The following NRL variants were observed in gnomAD, a reference collection of about 807,000 sequenced individuals.
NRL encodes neural retina leucine zipper, also known as neural retina-specific leucine zipper protein.
In NRL, 16 loss-of-function variants were observed where a neutral mutation model predicts 12.5. The observed-to-expected ratio is 1.28, with a 90% CI of 0.87 to 1.95. NRL has a LOEUF of 1.95. Ranked by LOEUF, NRL falls within the 30% of genes most tolerant of loss-of-function variation. The pLI, the probability that NRL is intolerant of heterozygous loss-of-function variation, is 0.00. For missense variants in NRL, 314 were observed against 325.8 expected, an observed-to-expected ratio of 0.96 and a Z score of 0.28; for synonymous variants, 142 against 150.9, an observed-to-expected ratio of 0.94 and a Z score of 0.43.
At chr14:24,088,949 C>T (rs1049623717) in intron 1 of NRL, among the ~76,000 whole-genome samples, 1 of 151,890 alleles carries the variant, frequency 6.6e-6, no homozygotes, top group African/African-American at 2.4e-5. Flanking sequence ...TACAGGCACC[C>T]GCCACCATGC....
Position 24,094,324 on chromosome 14 carries a change from C to T in NRL, c.-27-11449G>A. 7.2e-7 allele frequency: 1 copy of T among 1,393,872 alleles called. No homozygotes were observed. Among genetic ancestry groups the T allele is most frequent in the South Asian group, 1.2e-5 (1 of 80,910 alleles). 86.3% of individuals were successfully genotyped at this position (1,393,872 alleles called of 1,614,324 possible). On this transcript the variant is annotated intron_variant, in intron 1 of 2. Transcript: ENST00000561028. This position sits in a 1 kb window ranked among gnomAD's most constrained non-coding sequence, Gnocchi z 4.1. ...CCAGCCTCTGCTGTGGCTCGCTTCGCCGCGCTCCCTCCTTCCCCGCCTTCC... is the reference window on the plus strand; with the variant it reads ...CCAGCCTCTGCTGTGGCTCGCTTCGTCGCGCTCCCTCCTTCCCCGCCTTCC...
chr14:24,088,398 G>A (rs10143984), intron 1 of NRL, among the ~76,000 whole-genome samples: 4,188 of 152,334 alleles, frequency 0.027, 183 homozygotes, highest in East Asian at 0.18. Flanking sequence ...GGTCCACATG[G>A]TTCCACACAA....
chr14:24,079,427 T>C lies in NRL; in HGVS notation c.*1809A>G, dbSNP rs1306913417. 6.6e-6 allele frequency among the ~76,000 whole-genome samples: 1 copy of C among 152,116 alleles called. No individual in the cohort carries two copies. Among genetic ancestry groups the C allele is most frequent in the Non-Finnish European group, 1.5e-5 (1 of 68,006 alleles). On this transcript the variant is annotated 3_prime_UTR_variant, in exon 3 of 3. Transcript: ENST00000561028. ...TGGAAGGGGATGAAGAAAGAGAAGCTAAAGGTTCTGTGAGCCCCTCAGAGA... is the reference window on the plus strand; with the variant it reads ...TGGAAGGGGATGAAGAAAGAGAAGCCAAAGGTTCTGTGAGCCCCTCAGAGA...
intron 1 of NRL, among the ~76,000 whole-genome samples, chr14:24,101,075 T>C (rs556665295): frequency 6.6e-6 from 1 of 152,272 alleles, no homozygotes; most frequent in Non-Finnish European, 1.5e-5. Context: ...TCACCCTCCT[T>C]GCTTCATCTA....
Position 24,081,174 on chromosome 14 carries a change from C to T in NRL, c.*62G>A. On this transcript the variant is annotated 3_prime_UTR_variant, in exon 3 of 3. Transcript: ENST00000561028. The surrounding 1 kb of genome is among the most constrained non-coding windows in gnomAD (Gnocchi z 4.4). ...GGTAACGATGCAGAGAACCGTGCAG[C>T]CGCCTCCTGGGCGGAGCCACCCCAC... is the stretch of plus-strand genomic sequence containing the variant. 9 of 1,207,046 alleles carry T rather than the reference C, an allele frequency of 7.5e-6. No homozygotes were observed. Among genetic ancestry groups the T allele is most frequent in the Non-Finnish European group, 8.7e-6 (8 of 920,636 alleles). 74.8% of individuals were successfully genotyped at this position (1,207,046 alleles called of 1,614,324 possible).
chr14:24,081,812 C>T lies in NRL; in HGVS notation c.382-244G>A. ...GCGCCCCACGGTGCAGGGCCGGCCACGGTCAGGCGAGCCCGTCGCGCACCT... is the reference window on the plus strand; with the variant it reads ...GCGCCCCACGGTGCAGGGCCGGCCATGGTCAGGCGAGCCCGTCGCGCACCT... On this transcript the variant is annotated intron_variant, in intron 2 of 2. Transcript: ENST00000561028. The surrounding 1 kb of genome is among the most constrained non-coding windows in gnomAD (Gnocchi z 4.4). 6.8e-7 allele frequency: 1 copy of T among 1,464,424 alleles called. No individual in the cohort carries two copies. Among genetic ancestry groups the T allele is most frequent in the Non-Finnish European group, 9.0e-7 (1 of 1,112,218 alleles). The allele number at this position is 1,464,424 out of a possible 1,614,324, so 90.7% of individuals were successfully genotyped here. A position where few individuals can be genotyped will look rare whatever the true frequency, so the allele number is the denominator to read the frequency against.
rs756839374 is a variant in NRL at position 24,081,774 on chromosome 14, T to C, written c.382-206A>G. The C allele has an allele frequency of 2.0e-6, 3 of 1,514,782 alleles. No homozygotes were observed. Among genetic ancestry groups the C allele is most frequent in the Admixed American group, 2.0e-5 (1 of 49,724 alleles). 93.8% of individuals were successfully genotyped at this position (1,514,782 alleles called of 1,614,324 possible). On this transcript the variant is annotated intron_variant, in intron 2 of 2. Coordinates refer to ENST00000561028, the MANE Select transcript of NRL (RefSeq NM_001354768.3). This position sits in a 1 kb window ranked among gnomAD's most constrained non-coding sequence, Gnocchi z 4.4. ...CCCGGGCCCCCCAGCTGACCGTTGCTCCAGTCAGGCGGGCGCCCCACGGTG... is the reference window on the plus strand; with the variant it reads ...CCCGGGCCCCCCAGCTGACCGTTGCCCCAGTCAGGCGGGCGCCCCACGGTG...
At chr14:24,109,589 T>C (rs1434986453) in intron 1 of NRL, among the ~76,000 whole-genome samples, 1 of 151,146 alleles carries the variant, frequency 6.6e-6, no homozygotes, top group Non-Finnish European at 1.5e-5. Flanking sequence ...TCCCAGGTAC[T>C]CGGGAGGCTG....
chr14:24,087,884 C>G (rs1478088344), intron 1 of NRL, among the ~76,000 whole-genome samples: 2 of 152,184 alleles, frequency 1.3e-5, no homozygotes, highest in Non-Finnish European at 2.9e-5. Context: ...CGACACCAGC[C>G]TGGGCAACAT....
intron 1 of NRL, among the ~76,000 whole-genome samples, chr14:24,090,615 C>G (rs2138900512): frequency 6.6e-6 from 1 of 152,310 alleles, no homozygotes; most frequent in South Asian, 2.1e-4. Context: ...GGAATCTGGG[C>G]TACACACCAC....
At chr14:24,099,484 C>T in intron 1 of NRL, 1 of 1,384,796 alleles carries the variant, frequency 7.2e-7, no homozygotes, top group Non-Finnish European at 9.9e-7. Flanking sequence ...TAGACCCTAG[C>T]TGCCCTTCCC....
In NRL at chr14:24,081,522, C is replaced by T. The variant is rs1336862713; in HGVS notation, c.428G>A (p.Arg143Gln). ...GCCCCGCAGCTGCCGGTTTAGCTCC[C>T]GCACAGACATCGAGACCAGCGCCGC... is the stretch of plus-strand genomic sequence containing the variant. ...SDAALVSMSV[R>Q]ELNRQLRGCG... Residue 143 changes from arginine to glutamine, a missense_variant, in exon 3 of 3, where the codon CGG (arginine) becomes CAG (glutamine). By Grantham distance (43) the Arg-to-Gln change is conservative. Coordinates refer to ENST00000561028, the MANE Select transcript of NRL (RefSeq NM_001354768.3). This position sits in a 1 kb window ranked among gnomAD's most constrained non-coding sequence, Gnocchi z 4.4. The T allele has an allele frequency of 1.9e-6, 3 of 1,604,558 alleles. No homozygotes were observed. Among genetic ancestry groups the T allele is most frequent in the African/African-American group, 1.3e-5 (1 of 74,952 alleles).
In NRL at chr14:24,098,727, C is replaced by CA. The variant is rs1226681298; in HGVS notation, c.-27-15853dup. The CA allele has an allele frequency of 3.3e-6, 5 of 1,501,240 alleles. No homozygotes were observed. In the African/African-American group the frequency reaches 6.9e-5, roughly 21 times the overall value. 93.0% of individuals were successfully genotyped at this position (1,501,240 alleles called of 1,614,324 possible). ...GGGAACACAGAGGCCTTCTTGTACT[C>CA]AGAGGAAATCCCAAATCCTACCTCT... is the stretch of plus-strand genomic sequence containing the variant. On this transcript the variant is annotated intron_variant, in intron 1 of 2. Transcript: ENST00000561028.
Position 24,106,494 on chromosome 14 carries a change from G to A in NRL, c.-28+8228C>T, listed in dbSNP as rs1443914684. On this transcript the variant is annotated intron_variant, in intron 1 of 2. Transcript: ENST00000561028. ...CTCACACTTTGGGAGGCCGAGGTGG[G>A]CAGATCACCTGAGGTCAGCAGTTTG... Among the ~76,000 whole-genome samples the A allele has an allele frequency of 2.6e-5, 4 of 152,278 alleles. 1 individual carries two copies. The East Asian group carries it at 7.7e-4, about 29-fold the overall frequency.
chr14:24,108,929 A>G (rs937749109), intron 1 of NRL, among the ~76,000 whole-genome samples: 3 of 152,180 alleles, frequency 2.0e-5, no homozygotes. Flanking sequence ...AGAGGAGAGG[A>G]GGACAGGGTT....
intron 1 of NRL, chr14:24,084,780 C>T: frequency 2.3e-6 from 2 of 874,364 alleles, no homozygotes; most frequent in Non-Finnish European, 2.7e-6. Flanking sequence ...GAGGAGAGTA[C>T]AAGTGTGCTT....
chr14:24,113,328 T>C (rs1048860855), intron 1 of NRL, among the ~76,000 whole-genome samples: 4 of 145,660 alleles, frequency 2.7e-5, no homozygotes, highest in Non-Finnish European at 6.0e-5. Flanking sequence ...TGTATACATA[T>C]GTAACTAACC....
chr14:24,099,386 G>A, intron 1 of NRL: 1 of 1,001,494 alleles, frequency 1.0e-6, no homozygotes, highest in Non-Finnish European at 1.4e-6. Context: ...GCCTCAGGCT[G>A]CTGAATGTTG....
intron 1 of NRL, among the ~76,000 whole-genome samples, chr14:24,086,099 G>A (rs545363201): frequency 1.3e-5 from 2 of 152,222 alleles, no homozygotes; most frequent in African/African-American, 4.8e-5. Flanking sequence ...CACCTGTAAT[G>A]CCAGCTACTC....
Sources: allele counts gnomAD v4.1 joint callset (sites outside exome capture counted in the v4.1 genomes callset), GRCh38; gene constraint gnomAD v4.1.1; non-coding constraint Gnocchi (gnomAD v3.1); transcripts MANE v1.5; gene names NCBI Gene and HGNC (gene_info 2026-07-23, HGNC 2026-07-21).